The following TSPAN9 variants were observed in gnomAD, a reference collection of about 807,000 sequenced individuals.
TSPAN9 encodes tetraspanin-9.
In TSPAN9, 16 loss-of-function variants were observed where a neutral mutation model predicts 31.0. That is an observed-to-expected ratio of 0.52 (90% CI 0.35 to 0.78). The LOEUF (loss-of-function observed/expected upper bound fraction) is 0.78, where lower values mean the gene tolerates loss of function less well. Among genes scored for constraint, TSPAN9 ranks in the 30% least tolerant of loss-of-function variants. The pLI is 0.01. For missense variants in TSPAN9, 272 were observed against 312.5 expected (o/e 0.87, Z 0.98); for synonymous variants, 145 against 121.6 (o/e 1.19, Z -1.27).
chr12:3,274,041 G>C (rs1463084826), intron 3 of TSPAN9, among the ~76,000 whole-genome samples: 2 of 152,174 alleles, frequency 1.3e-5, no homozygotes, highest in Non-Finnish European at 2.9e-5. Context: ...GGGGGATAGG[G>C]TAGGGGGCGG....
chr12:3,178,202 A>G (rs2098356918), intron 2 of TSPAN9, among the ~76,000 whole-genome samples: 1 of 152,112 alleles, frequency 6.6e-6, no homozygotes, highest in Non-Finnish European at 1.5e-5. Context: ...AGTGCTTAGC[A>G]TAACAGCTGT....
At chr12:3,231,789 G>C (rs2098390913) in intron 3 of TSPAN9, among the ~76,000 whole-genome samples, 1 of 152,228 alleles carries the variant, frequency 6.6e-6, no homozygotes, top group African/African-American at 2.4e-5. Context: ...GGGCTGTCTG[G>C]CCTCCAGGAT....
rs1038233489 is a variant in TSPAN9, at chr12:3,205,811, C to G, written c.63+4555C>G. On this transcript the variant is annotated intron_variant, in intron 3 of 8. Coordinates refer to ENST00000011898, the MANE Select transcript of TSPAN9 (RefSeq NM_006675.5). ...GATCTTAAGGGTGGGTCAGGCTGGCCTCTGCTGGGGGAAGGGGGACAGGTG... is the reference window on the plus strand; with the variant it reads ...GATCTTAAGGGTGGGTCAGGCTGGCGTCTGCTGGGGGAAGGGGGACAGGTG... 3.9e-5 allele frequency among the ~76,000 whole-genome samples: 6 copies of G among 152,168 alleles called. No individual in the cohort carries two copies. The East Asian group carries it at 1.2e-3, about 29-fold the overall frequency.
chr12:3,130,632 A>C (rs916935469), intron 2 of TSPAN9, among the ~76,000 whole-genome samples: 3 of 152,110 alleles, frequency 2.0e-5, no homozygotes, highest in Admixed American at 2.0e-4. Flanking sequence ...CAAGCTCCTG[A>C]ACCTCTTTCG....
chr12:3,221,791 G>A (rs1283533029), intron 3 of TSPAN9, among the ~76,000 whole-genome samples: 1 of 152,192 alleles, frequency 6.6e-6, no homozygotes, highest in Non-Finnish European at 1.5e-5. Flanking sequence ...AAGTAGCTGG[G>A]ACTACAGGCA....
chr12:3,275,909 C>A (rs1435139849), intron 3 of TSPAN9, among the ~76,000 whole-genome samples: 1 of 152,238 alleles, frequency 6.6e-6, no homozygotes, highest in Non-Finnish European at 1.5e-5. Flanking sequence ...TCATGCACAC[C>A]TTTCTGGTTC....
rs1342872136 is a variant in TSPAN9 at position 3,168,315 on chromosome 12, G to A, written c.-17-32862G>A. Reference sequence around the variant, plus strand: ...GTCTTCATAAAATCTCCCCTCTAGCGCTCGTCTTTTTGCTTCCTTCAATTC... The same window carrying A: ...GTCTTCATAAAATCTCCCCTCTAGCACTCGTCTTTTTGCTTCCTTCAATTC... On this transcript the variant is annotated intron_variant, in intron 2 of 8. Transcript: ENST00000011898. The surrounding 1 kb of genome is among the most constrained non-coding windows in gnomAD (Gnocchi z 4.0). Among the ~76,000 whole-genome samples, 5 of 152,182 alleles carry A rather than the reference G, an allele frequency of 3.3e-5. No individual in the cohort carries two copies. Among genetic ancestry groups the A allele is most frequent in the African/African-American group, 1.2e-4 (5 of 41,440 alleles).
intron 2 of TSPAN9, among the ~76,000 whole-genome samples, chr12:3,108,485 T>G (rs948135758): frequency 1.3e-5 from 2 of 152,204 alleles, no homozygotes; most frequent in African/African-American, 4.8e-5. Flanking sequence ...TGGTGTCCCG[T>G]GGAAAAGTCT....
intron 2 of TSPAN9, among the ~76,000 whole-genome samples, chr12:3,139,399 T>C (rs911201968): frequency 6.6e-6 from 1 of 152,064 alleles, no homozygotes; most frequent in Admixed American, 6.5e-5. Context: ...TGGCCAGCCT[T>C]CCCCAAGTGT....
rs564057161 is a variant in TSPAN9, at chr12:3,107,411, G to A, written c.-18+23692G>A. 1.3e-5 allele frequency among the ~76,000 whole-genome samples: 2 copies of A among 152,216 alleles called. No homozygotes were observed. Among genetic ancestry groups the A allele is most frequent in the African/African-American group, 2.4e-5 (1 of 41,452 alleles). On this transcript the variant is annotated intron_variant, in intron 2 of 8. Transcript: ENST00000011898. The surrounding 1 kb of genome is among the most constrained non-coding windows in gnomAD (Gnocchi z 4.1). ...CCCAGCCTGTTTGGCTGCCTGATGGGTTGACTCAGGGCCTTCGTTCCCAGT... is the reference window on the plus strand; with the variant it reads ...CCCAGCCTGTTTGGCTGCCTGATGGATTGACTCAGGGCCTTCGTTCCCAGT...
At chr12:3,103,004 C>T (rs984683532) in intron 2 of TSPAN9, among the ~76,000 whole-genome samples, 4 of 152,222 alleles carry the variant, frequency 2.6e-5, no homozygotes, top group African/African-American at 9.6e-5. Context: ...GTGGGAGAGC[C>T]TGTCTAGAAA....
intron 3 of TSPAN9, among the ~76,000 whole-genome samples, chr12:3,242,299 AC>A (rs896741373): frequency 2.0e-5 from 3 of 152,112 alleles, no homozygotes; most frequent in African/African-American, 7.2e-5. Flanking sequence ...TGGCTCTGCC[AC>A]CCGCCCTGCT....
At chr12:3,097,684 A>C (rs892684466) in intron 2 of TSPAN9, among the ~76,000 whole-genome samples, 1 of 152,208 alleles carries the variant, frequency 6.6e-6, no homozygotes, top group Non-Finnish European at 1.5e-5. Flanking sequence ...CTTAGAGCCC[A>C]GAGGAATGGC....
At position 3,143,287 on chromosome 12, in the gene TSPAN9, AATTAT is replaced by A. The variant is rs1343419894; in HGVS notation, c.-17-57885_-17-57881del. 6.7e-6 allele frequency among the ~76,000 whole-genome samples: 1 copy of A among 148,780 alleles called. No individual in the cohort carries two copies. Among genetic ancestry groups the A allele is most frequent in the African/African-American group, 2.4e-5 (1 of 40,910 alleles). ...ATTAATCATAATTAATAATATTTAT[AATTAT>A]ATTAATTATAATTAATACACCATTA... On this transcript the variant is annotated intron_variant, in intron 2 of 8. Coordinates refer to ENST00000011898, the MANE Select transcript of TSPAN9 (RefSeq NM_006675.5). The surrounding 1 kb of genome is among the most constrained non-coding windows in gnomAD (Gnocchi z 4.2).
chr12:3,278,438 G>T lies in TSPAN9; in HGVS notation c.81G>T (p.Leu27=), dbSNP rs139889414. 3.1e-6 allele frequency: 5 copies of T among 1,614,190 alleles called. No homozygotes were observed. Among genetic ancestry groups the T allele is most frequent in the Non-Finnish European group, 4.2e-6 (5 of 1,180,006 alleles). The part of the protein sequence containing the change: ...NLIFWLCGCG[L]LGVGIWLSVS... ...CTTTCCAGCTCTGTGGCTGTGGGCT[G>T]CTGGGAGTGGGCATCTGGCTCTCCG... The change falls in exon 4 of 9, where the codon CTG becomes CTT. Residue 27 remains leucine, a synonymous_variant. Transcript: ENST00000011898.
intron 2 of TSPAN9, among the ~76,000 whole-genome samples, chr12:3,198,675 G>C (rs1179020817): frequency 4.6e-5 from 4 of 86,700 alleles, no homozygotes; most frequent in Admixed American, 1.3e-4. Flanking sequence ...ACCAGCACAG[G>C]CCACCACCAG....
At chr12:3,237,393 C>A (rs533439705) in intron 3 of TSPAN9, among the ~76,000 whole-genome samples, 1 of 152,162 alleles carries the variant, frequency 6.6e-6, no homozygotes, top group Admixed American at 6.5e-5. Flanking sequence ...CGTTCTGGTC[C>A]CTGTATTTCC....
At chr12:3,138,767 G>A (rs966504272) in intron 2 of TSPAN9, among the ~76,000 whole-genome samples, 1 of 151,978 alleles carries the variant, frequency 6.6e-6, no homozygotes, top group Non-Finnish European at 1.5e-5. Flanking sequence ...GTGAGCCATC[G>A]CATCCGGGCT....
intron 2 of TSPAN9, among the ~76,000 whole-genome samples, chr12:3,103,245 A>G (rs73247348): frequency 0.025 from 3,755 of 152,272 alleles, 148 homozygotes; most frequent in African/African-American, 0.086. Flanking sequence ...CTTGCCCTCA[A>G]TGTGACTATG....
Sources: gnomAD v4.1 joint callset for allele counts (sites outside exome capture counted in the v4.1 genomes callset) on GRCh38, gnomAD v4.1.1 for gene constraint, Gnocchi (gnomAD v3.1) non-coding constraint, MANE v1.5 for transcripts, NCBI Gene and HGNC (gene_info 2026-07-23, HGNC 2026-07-21) for gene names.